Variants in SGCD observed in about 807,000 individuals in gnomAD.
SGCD encodes sarcoglycan delta, also known as delta-sarcoglycan.
A neutral mutation model predicts 36.6 loss-of-function variants in SGCD; 18 were observed. That is an observed-to-expected ratio of 0.49 (90% CI 0.34 to 0.73). The LOEUF (loss-of-function observed/expected upper bound fraction) is 0.73. Among genes scored for constraint, SGCD ranks in the 30% least tolerant of loss-of-function variants. The pLI is 0.01. For missense variants in SGCD, 387 were observed against 346.7 expected (o/e 1.12, Z -0.92); for synonymous variants, 133 against 130.6 (o/e 1.02, Z -0.12).
intron 3 of SGCD, among the ~76,000 whole-genome samples, chr5:156,164,421 C>G (rs1056175652): frequency 1.3e-5 from 2 of 152,038 alleles, no homozygotes; most frequent in African/African-American, 4.8e-5. Context: ...CCTTTTCAGC[C>G]TTGTTCCCCA....
intron 3 of SGCD, among the ~76,000 whole-genome samples, chr5:156,141,059 C>T (rs1762568348): frequency 6.6e-6 from 1 of 152,186 alleles, no homozygotes; most frequent in Non-Finnish European, 1.5e-5. Context: ...ACCACCCTAG[C>T]TGTGACTCCA....
At chr5:155,849,785 C>T in the SGCD span, among the ~76,000 whole-genome samples, 1 of 152,154 alleles carries the variant, frequency 6.6e-6, no homozygotes, top group African/African-American at 2.4e-5. Context: ...TATTAATAGA[C>T]ACCCCAAATG....
the SGCD span, among the ~76,000 whole-genome samples, chr5:155,788,126 A>G: frequency 1.3e-5 from 2 of 152,204 alleles, no homozygotes; most frequent in East Asian, 1.9e-4. Flanking sequence ...TACCCTGAAA[A>G]ATAACGAGCA....
At chr5:156,586,889 G>A (rs552948850) in intron 4 of SGCD, among the ~76,000 whole-genome samples, 40 of 152,098 alleles carry the variant, frequency 2.6e-4, no homozygotes, top group African/African-American at 9.6e-4. Context: ...TTTTAAAGTG[G>A]TTCTAGAGTC....
At position 156,764,744 on chromosome 5, in the gene SGCD, C is replaced by G. The variant is rs1449770940; in HGVS notation, c.*5354C>G. 2.0e-5 allele frequency: 3 copies of G among 152,128 alleles called. No individual in the cohort carries two copies. The highest frequency in any genetic ancestry group is 2.9e-5 in the Non-Finnish European group (2 of 68,030). 9.4% of individuals were successfully genotyped at this position (152,128 alleles called of 1,614,324 possible). A position where few individuals can be genotyped will look rare whatever the true frequency, so the allele number is the denominator to read the frequency against. On this transcript the variant is annotated 3_prime_UTR_variant, in exon 9 of 9. Transcript: ENST00000337851. Reference sequence around the variant, plus strand: ...GCAAGAATGTCATGAGCCCTTGATGCAATAGTAAGTGTGATGTCATCATAC... The same window carrying G: ...GCAAGAATGTCATGAGCCCTTGATGGAATAGTAAGTGTGATGTCATCATAC...
Position 156,677,400 on chromosome 5 carries a change from AAAACTATCGCAAGGACAGAAAACC to A in SGCD, c.575+29893_575+29916del, listed in dbSNP as rs543675726. Among the ~76,000 whole-genome samples, 54 of 152,260 alleles carry A rather than the reference AAAACTATCGCAAGGACAGAAAACC, an allele frequency of 3.5e-4. No homozygotes were observed. In the South Asian group the frequency reaches 8.5e-3, roughly 24 times the overall value. On this transcript the variant is annotated intron_variant, in intron 7 of 8. Transcript: ENST00000337851. ...TGCAGCTGGAAACCATCATTCTGAG[AAAACTATCGCAAGGACAGAAAACC>A]AAACTATCGCAAGGACAGAAAACCA...
intron 3 of SGCD, among the ~76,000 whole-genome samples, chr5:156,454,304 C>A (rs895933668): frequency 2.0e-5 from 3 of 151,956 alleles, no homozygotes; most frequent in Non-Finnish European, 4.4e-5. Flanking sequence ...AGATAGAAAC[C>A]ACACAATAAG....
intron 3 of SGCD, among the ~76,000 whole-genome samples, chr5:156,420,385 CA>C (rs903796612): frequency 2.6e-5 from 4 of 151,044 alleles, no homozygotes; most frequent in South Asian, 4.2e-4. Flanking sequence ...GAGGGAAGTA[CA>C]AAAAAAAATT....
chr5:156,322,082 C>A (rs1174852452), upstream of SGCD, among the ~76,000 whole-genome samples: 2 of 152,146 alleles, frequency 1.3e-5, no homozygotes, highest in African/African-American at 4.8e-5. Flanking sequence ...GCACAACAGA[C>A]CACACTCCCT....
intron 1 of SGCD, among the ~76,000 whole-genome samples, chr5:156,052,323 C>T (rs968520677): frequency 6.8e-6 from 1 of 146,022 alleles, no homozygotes; most frequent in South Asian, 2.2e-4. Context: ...AGGACAGAAG[C>T]CATTGTGGCT....
Position 155,971,553 on chromosome 5 carries a change from A to G in SGCD, c.-282+101129A>G, listed in dbSNP as rs564712144. Among the ~76,000 whole-genome samples, 6 of 152,212 alleles carry G rather than the reference A, an allele frequency of 3.9e-5. No homozygotes were observed. The East Asian group carries it at 1.2e-3, about 29-fold the overall frequency. ...TTTCCTCTGATTAGCCTATTGTTTC[A>G]TAAGATTGGCAGACAATTGATGTAT... On this transcript the variant is annotated intron_variant, in intron 1 of 9. Transcript: ENST00000517913.
intron 3 of SGCD, among the ~76,000 whole-genome samples, chr5:156,146,187 T>G (rs1035491208): frequency 6.6e-6 from 1 of 152,214 alleles, no homozygotes; most frequent in African/African-American, 2.4e-5. Context: ...CACTCCAGCC[T>G]GGGCGACAGA....
rs1265934232 is a variant in SGCD at position 156,074,736 on chromosome 5, C to A, written c.-281-43142C>A. On this transcript the variant is annotated intron_variant, in intron 1 of 9. Transcript: ENST00000517913. The stretch of plus-strand genomic sequence containing the variant: ...AAAAGGGGAATTTATCTGAGAAAAA[C>A]AAAAACATGACAGAGCACTTCACAG... 2.0e-5 allele frequency among the ~76,000 whole-genome samples: 3 copies of A among 152,208 alleles called. No homozygotes were observed. In the East Asian group the frequency reaches 5.8e-4, roughly 29 times the overall value.
At chr5:156,705,202 CT>C (rs1249488914) in intron 7 of SGCD, among the ~76,000 whole-genome samples, 1 of 152,156 alleles carries the variant, frequency 6.6e-6, no homozygotes, top group Non-Finnish European at 1.5e-5. Context: ...ATCGAGACAT[CT>C]TTTTATTACA....
chr5:156,327,718 G>A (rs1176252703), intron 1 of SGCD, among the ~76,000 whole-genome samples: 2 of 152,134 alleles, frequency 1.3e-5, no homozygotes, highest in East Asian at 1.9e-4. Context: ...AAGTTTCTAC[G>A]TTGGATGACA....
At chr5:155,921,424 T>C (rs971362596) in intron 1 of SGCD, among the ~76,000 whole-genome samples, 20 of 151,896 alleles carry the variant, frequency 1.3e-4, no homozygotes, top group African/African-American at 4.8e-4. Flanking sequence ...AGAAAGTATA[T>C]AGGATGGAAG....
chr5:155,976,256 AAAGT>A (rs1758111879), intron 1 of SGCD, among the ~76,000 whole-genome samples: 1 of 152,214 alleles, frequency 6.6e-6, no homozygotes, highest in South Asian at 2.1e-4. Flanking sequence ...TCTGAAGCTC[AAAGT>A]AAGTGTTTGC....
chr5:156,256,693 G>A (rs1765725018), intron 3 of SGCD, among the ~76,000 whole-genome samples: 1 of 152,122 alleles, frequency 6.6e-6, no homozygotes, highest in African/African-American at 2.4e-5. Flanking sequence ...AAGTGAAATT[G>A]CTAGATTGTA....
chr5:155,916,821 T>A (rs1199981747), intron 1 of SGCD, among the ~76,000 whole-genome samples: 2 of 152,218 alleles, frequency 1.3e-5, no homozygotes, highest in Admixed American at 6.5e-5. Context: ...TTACTTCCTG[T>A]GCTTCTCACA....
Sources: gnomAD v4.1 joint callset for allele counts (sites outside exome capture counted in the v4.1 genomes callset) on GRCh38, gnomAD v4.1.1 for gene constraint, MANE v1.5 for transcripts, NCBI Gene and HGNC (gene_info 2026-07-23, HGNC 2026-07-21) for gene names.